GABRB2: variants seen among roughly 807,000 people sequenced by gnomAD.
GABRB2 encodes the protein gamma-aminobutyric acid receptor subunit beta-2.
GABRB2 carries 16 observed loss-of-function variants against 54.7 expected under a neutral mutation model. The observed-to-expected ratio is 0.29, with a 90% CI of 0.20 to 0.44. The LOEUF (loss-of-function observed/expected upper bound fraction) is 0.44, where lower values mean the gene tolerates loss of function less well. Among genes scored for constraint, GABRB2 ranks in the 20% least tolerant of loss-of-function variants. GABRB2 has a pLI of 1.00. For missense variants in GABRB2, 355 were observed against 644.0 expected, an observed-to-expected ratio of 0.55 and a Z score of 4.86; for synonymous variants, 244 against 233.8, an observed-to-expected ratio of 1.04 and a Z score of -0.40.
rs139209137 is a variant in GABRB2, at chr5:161,455,616, G to A, written c.458+4008C>T. 3.5e-3 allele frequency among the ~76,000 whole-genome samples: 511 copies of A among 147,618 alleles called. 1 individual carries two copies. Among genetic ancestry groups the A allele is most frequent in the Middle Eastern group, 0.011 (3 of 284 alleles). ...CATGAATTCGCTCATTGCAACATCC[G>A]CCTCCTGGGCTCAAGCCATCCTCCC... On this transcript the variant is annotated intron_variant, in intron 4 of 9. Coordinates refer to ENST00000393959, the MANE Select transcript of GABRB2 (RefSeq NM_001371727.1).
chr5:161,334,486 T>A (rs112290896), intron 7 of GABRB2, among the ~76,000 whole-genome samples: 2 of 152,290 alleles, frequency 1.3e-5, no homozygotes, highest in African/African-American at 4.8e-5. Flanking sequence ...TGAAATATGT[T>A]TCAATAAAAA....
At position 161,546,661 on chromosome 5, in the gene GABRB2, G is replaced by C. The variant is rs148024574; in HGVS notation, c.-18C>G. Reference sequence around the variant, plus strand: ...CTCCACATCCCTTTAGTTTTTGATGGAATTGAGGGTTTCACTGAAGAGAGG... The same window carrying C: ...CTCCACATCCCTTTAGTTTTTGATGCAATTGAGGGTTTCACTGAAGAGAGG... On this transcript the variant is annotated 5_prime_UTR_variant, in exon 1 of 10. Transcript: ENST00000393959. 2.8e-4 allele frequency: 446 copies of C among 1,578,536 alleles called. 2 individuals are homozygous for C. The highest frequency in any genetic ancestry group is 3.7e-4 in the Non-Finnish European group (426 of 1,160,540).
At chr5:161,383,694 A>T (rs181876630) in intron 5 of GABRB2, among the ~76,000 whole-genome samples, 2 of 152,330 alleles carry the variant, frequency 1.3e-5, no homozygotes, top group Admixed American at 1.3e-4. Context: ...GGAACAATTT[A>T]TTAGATAGTG....
intron 3 of GABRB2, among the ~76,000 whole-genome samples, chr5:161,509,176 C>A (rs1204185286): frequency 6.6e-6 from 1 of 151,922 alleles, no homozygotes; most frequent in Non-Finnish European, 1.5e-5. Context: ...AGCATCCCAA[C>A]AACCAGTACA....
At chr5:161,501,311 T>C (rs775659301) in intron 3 of GABRB2, among the ~76,000 whole-genome samples, 14 of 152,076 alleles carry the variant, frequency 9.2e-5, no homozygotes, top group Non-Finnish European at 1.6e-4. Context: ...AAAAAAGTGC[T>C]GTGGGTAGTA....
chr5:161,384,565 C>T (rs1347300101), intron 5 of GABRB2, among the ~76,000 whole-genome samples: 1 of 152,122 alleles, frequency 6.6e-6, no homozygotes, highest in Admixed American at 6.5e-5. Flanking sequence ...CAGCTATGTG[C>T]CAGGAGTATA....
chr5:161,299,970 A>C (rs941036987), intron 9 of GABRB2, among the ~76,000 whole-genome samples: 1 of 152,206 alleles, frequency 6.6e-6, no homozygotes, highest in African/African-American at 2.4e-5. Flanking sequence ...TCAATATTTT[A>C]GGCTAGGACC....
chr5:161,457,774 C>A (rs1261407480), intron 4 of GABRB2, among the ~76,000 whole-genome samples: 1 of 152,120 alleles, frequency 6.6e-6, no homozygotes, highest in African/African-American at 2.4e-5. Flanking sequence ...TAAAGGCATT[C>A]TGATTTTGCT....
chr5:161,460,694 A>G (rs1350964343), intron 3 of GABRB2, among the ~76,000 whole-genome samples: 1 of 152,126 alleles, frequency 6.6e-6, no homozygotes, highest in East Asian at 1.9e-4. Flanking sequence ...CTAGTATTTG[A>G]CAGGAACCAT....
chr5:161,462,003 C>T (rs945464048), intron 3 of GABRB2, among the ~76,000 whole-genome samples: 2 of 151,954 alleles, frequency 1.3e-5, no homozygotes, highest in East Asian at 1.9e-4. Context: ...GCTCTAACAC[C>T]GAACAGTTTT....
chr5:161,340,564 A>G (rs757878510), intron 5 of GABRB2, among the ~76,000 whole-genome samples: 3 of 151,860 alleles, frequency 2.0e-5, no homozygotes, highest in Non-Finnish European at 4.4e-5. Flanking sequence ...ATTTCTCCCT[A>G]TGTATTAGTT....
At chr5:161,540,924 G>GC (rs1386196476) in intron 3 of GABRB2, among the ~76,000 whole-genome samples, 1 of 152,072 alleles carries the variant, frequency 6.6e-6, no homozygotes, top group Non-Finnish European at 1.5e-5. Flanking sequence ...TCAGTTCACT[G>GC]CAACCTTTGC....
At chr5:161,443,467 G>A (rs9313882) in intron 4 of GABRB2, among the ~76,000 whole-genome samples, 55 of 152,112 alleles carry the variant, frequency 3.6e-4, no homozygotes, top group Admixed American at 2.4e-3. Context: ...TCTAAGATGC[G>A]TGAGATTTTC....
intron 4 of GABRB2, among the ~76,000 whole-genome samples, chr5:161,449,442 T>C (rs1757726763): frequency 6.6e-6 from 1 of 152,184 alleles, no homozygotes. Context: ...AGTGAACTCA[T>C]TATACTAGTC....
intron 5 of GABRB2, among the ~76,000 whole-genome samples, 163 bp from the exon 6 acceptor site, chr5:161,336,932 A>G (rs1250123744): frequency 6.6e-6 from 1 of 152,130 alleles, no homozygotes; most frequent in African/African-American, 2.4e-5. Flanking sequence ...AAACATTTCA[A>G]GTCTATTACT....
At chr5:161,416,603 A>G (rs1479195780) in intron 4 of GABRB2, among the ~76,000 whole-genome samples, 4 of 149,368 alleles carry the variant, frequency 2.7e-5, no homozygotes, top group South Asian at 2.1e-4. Flanking sequence ...TGGCTGAGGC[A>G]GGAGAATGGC....
At chr5:161,368,685 TCAGTGC>T (rs1318270766) in intron 5 of GABRB2, among the ~76,000 whole-genome samples, 2 of 152,170 alleles carry the variant, frequency 1.3e-5, no homozygotes, top group African/African-American at 4.8e-5. Context: ...AATTCGTTTT[TCAGTGC>T]CAGTCTAAGA....
chr5:161,501,038 T>C (rs1759422770), intron 3 of GABRB2, among the ~76,000 whole-genome samples: 1 of 149,000 alleles, frequency 6.7e-6, no homozygotes, highest in African/African-American at 2.5e-5. Context: ...CCTGTGTCCA[T>C]GTGTATTTTT....
intron 3 of GABRB2, 135 bp downstream of exon 3, chr5:161,545,092 G>C (rs1760936245): frequency 1.8e-6 from 1 of 559,020 alleles, no homozygotes; most frequent in East Asian, 3.3e-5. Flanking sequence ...GGTATTCTAG[G>C]GTGAAATTCC....
Sources: gnomAD v4.1 joint callset for allele counts (sites outside exome capture counted in the v4.1 genomes callset) on GRCh38, gnomAD v4.1.1 for gene constraint, MANE v1.5 for transcripts, NCBI Gene and HGNC (gene_info 2026-07-23, HGNC 2026-07-21) for gene names.